The following PARP8 variants were observed in gnomAD, a reference collection of about 807,000 sequenced individuals.
The protein encoded by PARP8 is protein mono-ADP-ribosyltransferase PARP8.
A neutral mutation model predicts 124.1 loss-of-function variants in PARP8; 51 were observed. The ratio of observed to expected loss-of-function variants is 0.41; its 90% confidence interval spans 0.33 to 0.52. PARP8 has a LOEUF of 0.52. Ranked by LOEUF, PARP8 falls within the 20% of genes least tolerant of loss-of-function variation. The pLI, the probability that PARP8 is intolerant of heterozygous loss-of-function variation, is 0.21. For synonymous variants in PARP8, 391 were observed against 361.5 expected, an observed-to-expected ratio of 1.08 and a Z score of -0.93; for missense variants, 860 against 1,018.9, an observed-to-expected ratio of 0.84 and a Z score of 2.12.
intron 14 of PARP8, among the ~76,000 whole-genome samples, chr5:50,803,475 T>G (rs1428891376): frequency 1.3e-5 from 2 of 152,202 alleles, no homozygotes; most frequent in East Asian, 3.8e-4. Flanking sequence ...GTTTGTATGC[T>G]TGATGGTACC....
intron 10 of PARP8, among the ~76,000 whole-genome samples, chr5:50,789,689 T>C (rs758238567): frequency 2.2e-4 from 34 of 152,192 alleles, no homozygotes; most frequent in Admixed American, 9.2e-4. Flanking sequence ...AATATCAGCT[T>C]TAAGAATTTG....
In PARP8 at chr5:50,778,093, A is replaced by G; in HGVS notation, c.543A>G (p.Val181=). The G allele has an allele frequency of 6.2e-7, 1 of 1,609,134 alleles. No homozygotes were observed. The highest frequency in any genetic ancestry group is 8.5e-7 in the Non-Finnish European group (1 of 1,178,364). Residue 181 remains valine, a synonymous_variant, in exon 8 of 26, where the codon GTA becomes GTG. Coordinates refer to ENST00000281631, the MANE Select transcript of PARP8 (RefSeq NM_024615.4). ...GGGAATATGGAGCCATTGATGATGT[A>G]GATATTGATCTGCATATCGATGTTA... ...SLREYGAIDD[V]DIDLHIDVSF...
chr5:50,833,933 A>C (rs1255377198), intron 23 of PARP8, 46 bp from the exon 24 acceptor site: 1 of 1,513,062 alleles, frequency 6.6e-7, no homozygotes, highest in East Asian at 2.3e-5. Flanking sequence ...TTTTTTCACA[A>C]AGTGTTTCAT....
At chr5:50,821,081 A>G (rs1745713263) in intron 15 of PARP8, 132 bp from the exon 16 acceptor site, 6 of 1,021,816 alleles carry the variant, frequency 5.9e-6, no homozygotes, top group Non-Finnish European at 8.8e-6. Flanking sequence ...CAAGTCTTGC[A>G]TTACACATTT....
intron 14 of PARP8, among the ~76,000 whole-genome samples, chr5:50,803,224 GTGA>G (rs1357755951): frequency 6.6e-6 from 1 of 152,144 alleles, no homozygotes; most frequent in Non-Finnish European, 1.5e-5. Context: ...TCCTTGTTAT[GTGA>G]TGAATTGCTT....
intron 15 of PARP8, among the ~76,000 whole-genome samples, chr5:50,819,583 G>A (rs1745528751): frequency 6.6e-6 from 1 of 151,854 alleles, no homozygotes; most frequent in Non-Finnish European, 1.5e-5. Context: ...TGGCGCTGCA[G>A]GCACCTGCCA....
intron 7 of PARP8, among the ~76,000 whole-genome samples, chr5:50,764,362 T>C (rs1396374667): frequency 2.0e-5 from 3 of 152,184 alleles, no homozygotes; most frequent in African/African-American, 7.2e-5. Context: ...AGTGGCACCA[T>C]CTGAAAAAAG....
intron 7 of PARP8, among the ~76,000 whole-genome samples, chr5:50,773,313 T>TA (rs1184255177): frequency 4.6e-5 from 7 of 152,238 alleles, no homozygotes; most frequent in African/African-American, 1.4e-4. Flanking sequence ...TTTTGGGTCT[T>TA]ACATTTAAAT....
At chr5:50,738,059 TA>T (rs1757654706) in intron 2 of PARP8, among the ~76,000 whole-genome samples, 3 of 152,190 alleles carry the variant, frequency 2.0e-5, no homozygotes, top group Admixed American at 1.3e-4. Flanking sequence ...CTGGAGTCTA[TA>T]AAAGTATTAC....
rs77363994 is a variant in PARP8, at chr5:50,793,889, G to A, written c.738-318G>A. Among the ~76,000 whole-genome samples, 862 of 152,030 alleles carry A rather than the reference G, an allele frequency of 5.7e-3. 7 individuals are homozygous for A. Among genetic ancestry groups the A allele is most frequent in the African/African-American group, 0.019 (798 of 41,486 alleles). ...GCTCAAGTTGTTGATCCTGAAGGCCGTCTTTATAATTCTCTTTATATCTTT... is the reference window on the plus strand; with the variant it reads ...GCTCAAGTTGTTGATCCTGAAGGCCATCTTTATAATTCTCTTTATATCTTT... On this transcript the variant is annotated intron_variant, in intron 10 of 25. Transcript: ENST00000281631.
chr5:50,674,946 A>G (rs962463240), intron 2 of PARP8, among the ~76,000 whole-genome samples: 3 of 152,266 alleles, frequency 2.0e-5, no homozygotes, highest in Admixed American at 1.3e-4. Flanking sequence ...ATTTGAGGAT[A>G]GGATGAGAAT....
intron 9 of PARP8, among the ~76,000 whole-genome samples, chr5:50,779,296 A>G (rs1210385996): frequency 6.6e-6 from 1 of 152,106 alleles, no homozygotes; most frequent in African/African-American, 2.4e-5. Flanking sequence ...AAAAAATCCT[A>G]AAACTTAGTG....
chr5:50,683,812 T>C (rs1751557292), intron 2 of PARP8, among the ~76,000 whole-genome samples: 2 of 152,222 alleles, frequency 1.3e-5, no homozygotes, highest in South Asian at 4.1e-4. Context: ...ATATGTTTTA[T>C]GCCACATGCA....
At chr5:50,668,963 C>G (rs1749684250) in intron 2 of PARP8, 1 of 152,202 alleles carries the variant, frequency 6.6e-6, no homozygotes, top group African/African-American at 2.4e-5. Flanking sequence ...ATTGTTTGAT[C>G]ACATTCCAAA....
intron 2 of PARP8, among the ~76,000 whole-genome samples, chr5:50,697,572 C>G (rs893495412): frequency 2.0e-5 from 3 of 152,208 alleles, no homozygotes; most frequent in Non-Finnish European, 2.9e-5. Flanking sequence ...TGCAGTGGCA[C>G]GATCATGGCT....
chr5:50,832,479 G>T (rs1394853384), intron 22 of PARP8, among the ~76,000 whole-genome samples: 1 of 152,012 alleles, frequency 6.6e-6, no homozygotes, highest in African/African-American at 2.4e-5. Flanking sequence ...CCAGATAGTG[G>T]GAATGAAAGT....
At chr5:50,754,069 A>T (rs901157635) in intron 3 of PARP8, among the ~76,000 whole-genome samples, 1 of 142,650 alleles carries the variant, frequency 7.0e-6, no homozygotes, top group African/African-American at 2.7e-5. Context: ...AGAGCTTAGA[A>T]GTCAAGATGG....
intron 7 of PARP8, among the ~76,000 whole-genome samples, chr5:50,776,635 G>A (rs1297239394): frequency 6.6e-6 from 1 of 152,070 alleles, no homozygotes; most frequent in East Asian, 1.9e-4. Context: ...AGGAGAGAAT[G>A]GAGAAAGCAC....
chr5:50,788,731 C>T, intron 10 of PARP8, 142 bp downstream of exon 10: 1 of 680,918 alleles, frequency 1.5e-6, no homozygotes, highest in South Asian at 1.9e-5. Flanking sequence ...CATCATGATG[C>T]TAAGAGCTGC....
Sources: gnomAD v4.1 joint callset for allele counts (sites outside exome capture counted in the v4.1 genomes callset) on GRCh38, gnomAD v4.1.1 for gene constraint, MANE v1.5 for transcripts, NCBI Gene and HGNC (gene_info 2026-07-23, HGNC 2026-07-21) for gene names.